TPD52: variants seen among roughly 807,000 people sequenced by gnomAD.
The protein encoded by TPD52 is prostate and colon associated protein.
A neutral mutation model predicts 31.3 loss-of-function variants in TPD52; 17 were observed. The observed-to-expected ratio is 0.54, with a 90% CI of 0.37 to 0.82. The LOEUF is 0.82. Among genes scored for constraint, TPD52 ranks in the 40% least tolerant of loss-of-function variants. TPD52 has a pLI of 0.00. For synonymous variants in TPD52, 83 were observed against 89.6 expected (o/e 0.93, Z 0.42); for missense variants, 212 against 240.1 (o/e 0.88, Z 0.77).
intron 1 of TPD52, among the ~76,000 whole-genome samples, chr8:80,068,188 TATAAAA>T (rs899212572): frequency 2.6e-5 from 4 of 152,138 alleles, no homozygotes; most frequent in African/African-American, 7.2e-5. Flanking sequence ...CATGTTATCT[TATAAAA>T]ATAAAAACAC....
intron 6 of TPD52, chr8:80,042,906 AG>A: frequency 2.6e-6 from 1 of 389,148 alleles, no homozygotes; most frequent in Non-Finnish European, 4.6e-6. Context: ...CTCAGACATA[AG>A]TAATATAGAT....
chr8:80,150,650 T>C (rs1287970219), intron 1 of TPD52, among the ~76,000 whole-genome samples: 1 of 152,168 alleles, frequency 6.6e-6, no homozygotes, highest in South Asian at 2.1e-4. Context: ...GGAGATCATT[T>C]TGTAGCTTTA....
chr8:80,126,732 C>T (rs1808639123), intron 1 of TPD52, among the ~76,000 whole-genome samples: 1 of 152,134 alleles, frequency 6.6e-6, no homozygotes, highest in African/African-American at 2.4e-5. Flanking sequence ...ATCCACCCGC[C>T]TCAGCCTCCC....
intron 1 of TPD52, 182 bp downstream of exon 1, chr8:80,171,243 C>T: frequency 1.3e-6 from 1 of 775,526 alleles, no homozygotes. Flanking sequence ...CCGCCAGAGC[C>T]GCTCCTTCCA....
intron 1 of TPD52, among the ~76,000 whole-genome samples, chr8:80,118,781 C>T (rs966226402): frequency 1.5e-4 from 23 of 152,134 alleles, no homozygotes; most frequent in African/African-American, 4.8e-4. Flanking sequence ...GTGTTGGTGA[C>T]GATCCAGAGA....
intron 1 of TPD52, among the ~76,000 whole-genome samples, chr8:80,071,969 T>C (rs1451053071): frequency 6.6e-6 from 1 of 152,112 alleles, no homozygotes; most frequent in African/African-American, 2.4e-5. Flanking sequence ...ACTCCCACTA[T>C]ACCCTCCAAC....
intron 1 of TPD52, among the ~76,000 whole-genome samples, chr8:80,098,794 A>G (rs778444611): frequency 6.6e-6 from 1 of 152,244 alleles, no homozygotes; most frequent in Non-Finnish European, 1.5e-5. Flanking sequence ...GTAAAATGCT[A>G]TCAAACAGCA....
downstream of TPD52, among the ~76,000 whole-genome samples, chr8:80,033,918 A>G (rs1809758359): frequency 6.6e-6 from 1 of 151,940 alleles, no homozygotes; most frequent in Non-Finnish European, 1.5e-5. Flanking sequence ...TCTACCTAAA[A>G]CTGGCAGCCT....
intron 1 of TPD52, among the ~76,000 whole-genome samples, chr8:80,076,821 G>A (rs1168201364): frequency 2.6e-5 from 4 of 152,014 alleles, no homozygotes; most frequent in African/African-American, 4.8e-5. Context: ...ACAGACGTGT[G>A]CCACCATGCC....
intron 3 of TPD52, 178 bp from the exon 4 acceptor site, chr8:80,051,806 C>T: frequency 1.8e-6 from 1 of 563,182 alleles, no homozygotes; most frequent in Non-Finnish European, 3.1e-6. Flanking sequence ...TCTTCGTATG[C>T]TCAACCCTAA....
chr8:80,088,517 T>A (rs1379687940), intron 1 of TPD52, among the ~76,000 whole-genome samples: 2 of 151,998 alleles, frequency 1.3e-5, no homozygotes, highest in Non-Finnish European at 2.9e-5. Flanking sequence ...GGGAGCCAAG[T>A]CGAGTAATTA....
intron 1 of TPD52, among the ~76,000 whole-genome samples, chr8:80,120,795 T>A (rs1586338922): frequency 6.6e-6 from 1 of 151,966 alleles, no homozygotes; most frequent in Non-Finnish European, 1.5e-5. Flanking sequence ...AAACAAAAAA[T>A]CAGACTGGAC....
intron 1 of TPD52, among the ~76,000 whole-genome samples, chr8:80,164,418 T>C (rs982117231): frequency 1.3e-5 from 2 of 152,148 alleles, no homozygotes; most frequent in African/African-American, 4.8e-5. Flanking sequence ...GGCAGTTGGG[T>C]GGCCAATTGG....
At chr8:80,169,092 C>T (rs1192527612) in intron 1 of TPD52, among the ~76,000 whole-genome samples, 1 of 152,190 alleles carries the variant, frequency 6.6e-6, no homozygotes, top group Non-Finnish European at 1.5e-5. Flanking sequence ...TCTAGTGATT[C>T]TCCTGCCTCA....
At chr8:80,096,517 C>A (rs556771799) in intron 1 of TPD52, among the ~76,000 whole-genome samples, 2 of 152,310 alleles carry the variant, frequency 1.3e-5, no homozygotes, top group East Asian at 3.9e-4. Flanking sequence ...TATGGCAACA[C>A]TGTGTCCAGA....
chr8:80,060,545 AATG>A (rs1360666993), intron 2 of TPD52, among the ~76,000 whole-genome samples: 3 of 152,278 alleles, frequency 2.0e-5, no homozygotes, highest in Admixed American at 2.0e-4. Context: ...AAAGCCAGAG[AATG>A]ATATCACAAG....
At chr8:80,055,281 T>G (rs577251870) in intron 2 of TPD52, among the ~76,000 whole-genome samples, 2 of 152,350 alleles carry the variant, frequency 1.3e-5, no homozygotes, top group Non-Finnish European at 2.9e-5. Flanking sequence ...TTGGTTAGCT[T>G]GTGCTGCTAA....
At chr8:80,169,014 T>A (rs1475714850) in intron 1 of TPD52, among the ~76,000 whole-genome samples, 9 of 152,198 alleles carry the variant, frequency 5.9e-5, no homozygotes. Context: ...AGATAGAGTC[T>A]CGCTCTGTCG....
rs1487227450 is a variant in TPD52, at chr8:80,059,175, T to C, written c.135+5303A>G. 2.6e-5 allele frequency among the ~76,000 whole-genome samples: 4 copies of C among 151,994 alleles called. No homozygotes were observed. The East Asian group carries it at 7.7e-4, about 29-fold the overall frequency. ...AGGAAAACCAGAAAATTCACAACTA[T>C]GTAATAATCAAACCACACACTTTTA... On this transcript the variant is annotated intron_variant, in intron 2 of 7. Coordinates refer to ENST00000518937, the MANE Select transcript of TPD52 (RefSeq NM_001025253.3).
Sources: allele counts gnomAD v4.1 joint callset (sites outside exome capture counted in the v4.1 genomes callset), GRCh38; gene constraint gnomAD v4.1.1; transcripts MANE v1.5; gene names NCBI Gene and HGNC (gene_info 2026-07-23, HGNC 2026-07-21).